Variants in UBN2 observed in about 807,000 individuals in gnomAD.
UBN2 encodes the protein ubinuclein 2, also known as ubinuclein-2.
A neutral mutation model predicts 120.2 loss-of-function variants in UBN2; 35 were observed. That is an observed-to-expected ratio of 0.29 (90% confidence interval 0.22 to 0.39). UBN2 has a LOEUF of 0.39. Among genes scored for constraint, UBN2 ranks in the 10% least tolerant of loss-of-function variants. The pLI, the probability that UBN2 is intolerant of heterozygous loss-of-function variation, is 1.00. For synonymous variants in UBN2, 661 were observed against 648.7 expected, an observed-to-expected ratio of 1.02 and a Z score of -0.29; for missense variants, 1,693 against 1,663.2, an observed-to-expected ratio of 1.02 and a Z score of -0.31.
intron 2 of UBN2, among the ~76,000 whole-genome samples, chr7:139,238,137 T>A (rs965863446): frequency 2.0e-5 from 3 of 152,172 alleles, no homozygotes; most frequent in Non-Finnish European, 4.4e-5. Context: ...ATAACCCAGT[T>A]GAGAAGCAAC....
In UBN2 at chr7:139,283,677, A is replaced by T. The variant is rs772872373; in HGVS notation, c.2772A>T (p.Thr924=). The change falls in exon 15 of 18, where the codon ACA becomes ACT. Residue 924 remains threonine (T), a synonymous_variant. Transcript: ENST00000473989. ...AGGCCCAAGATGCTTCTTCGTTAACACAAGTAACAAAGGTGCACCAGCATT... is the reference window on the plus strand; with the variant it reads ...AGGCCCAAGATGCTTCTTCGTTAACTCAAGTAACAAAGGTGCACCAGCATT... ...TSEAQDASSL[T]QVTKVHQHSA... 1 of 1,614,108 alleles carries T rather than the reference A, an allele frequency of 6.2e-7. No homozygotes were observed. The highest frequency in any genetic ancestry group is 8.5e-7 in the Non-Finnish European group (1 of 1,180,014).
chr7:139,252,932 T>C (rs1419074656), intron 3 of UBN2, among the ~76,000 whole-genome samples: 1 of 152,174 alleles, frequency 6.6e-6, no homozygotes, highest in Non-Finnish European at 1.5e-5. Context: ...ACAGAGATTT[T>C]AGTGTTCTTT....
At position 139,273,962 on chromosome 7, in the gene UBN2, T is replaced by C. The variant is rs561136606; in HGVS notation, c.1861T>C (p.Leu621=). 8.4e-5 allele frequency: 135 copies of C among 1,612,366 alleles called. No individual in the cohort carries two copies. Among genetic ancestry groups the C allele is most frequent in the Non-Finnish European group, 1.1e-4 (126 of 1,179,530 alleles). ...GTTATGTAACCTTGTTGAGATCAAA[T>C]TGGGATGCTATGAGTTAGAACCAAA... ...TLLCNLVEIK[L]GCYELEPNKS... The change falls in exon 11 of 18, where the codon TTG becomes CTG. Residue 621 remains leucine, a synonymous_variant. Transcript: ENST00000473989.
downstream of UBN2, among the ~76,000 whole-genome samples, chr7:139,310,493 T>C (rs552938338): frequency 6.6e-6 from 1 of 152,278 alleles, no homozygotes; most frequent in African/African-American, 2.4e-5. Flanking sequence ...CATACCTGGC[T>C]AGGCACAGTG....
rs1332559027 is a variant in UBN2 at position 139,298,633 on chromosome 7, A to G, written c.*797A>G. On this transcript the variant is annotated 3_prime_UTR_variant, in exon 18 of 18. Coordinates refer to ENST00000473989, the MANE Select transcript of UBN2 (RefSeq NM_173569.4). ...TTTTCTTCAGGTGATTTGTGCATCT[A>G]GTATTGACTGGTTAATTCTTATTTC... is the stretch of plus-strand genomic sequence containing the variant. The G allele has an allele frequency of 1.3e-5, 2 of 151,914 alleles. No individual in the cohort carries two copies. Among genetic ancestry groups the G allele is most frequent in the African/African-American group, 4.8e-5 (2 of 41,338 alleles). The allele number at this position is 151,914 out of a possible 1,614,324, so 9.4% of individuals were successfully genotyped here.
chr7:139,316,114 C>T, the UBN2 span, among the ~76,000 whole-genome samples: 4 of 123,036 alleles, frequency 3.3e-5, no homozygotes, highest in Admixed American at 3.3e-4. Context: ...AAAAGGGGTT[C>T]CAGTTCTTCT....
downstream of UBN2, among the ~76,000 whole-genome samples, chr7:139,312,865 T>C (rs1003046198): frequency 2.0e-5 from 3 of 152,220 alleles, no homozygotes; most frequent in African/African-American, 7.2e-5. Context: ...TTTCTGTATT[T>C]AGTGAAGCAG....
rs778802574 is a variant in UBN2 at position 139,283,633 on chromosome 7, C to T, written c.2728C>T (p.His910Tyr). The T allele has an allele frequency of 1.2e-6, 2 of 1,614,234 alleles. No individual in the cohort carries two copies. Reference sequence around the variant, plus strand: ...CCAAGCCCAAATTGCTGCCTCTTCTCATGCTCTGGGAACATCCGAGGCCCA... The same window carrying T: ...CCAAGCCCAAATTGCTGCCTCTTCTTATGCTCTGGGAACATCCGAGGCCCA... ...SSQAQIAASS[H>Y]ALGTSEAQDA... Residue 910 changes from histidine to tyrosine, a missense_variant, in exon 15 of 18, where the codon CAT becomes TAT. Around this residue, in one of 5 missense-constraint regions of UBN2, gnomAD observed 837 missense variants for 817.6 expected, o/e 1.02. Transcript: ENST00000473989.
the UBN2 span, among the ~76,000 whole-genome samples, chr7:139,321,005 A>AGT: frequency 2.6e-5 from 4 of 152,362 alleles, no homozygotes; most frequent in Admixed American, 2.0e-4. Flanking sequence ...AGACACCTGC[A>AGT]GTGCATCAGG....
the UBN2 span, among the ~76,000 whole-genome samples, chr7:139,329,439 G>C: frequency 1.3e-5 from 2 of 152,052 alleles, no homozygotes; most frequent in African/African-American, 4.8e-5. Context: ...TTGTGAATCA[G>C]AATTTCTGGG....
chr7:139,310,372 G>A (rs548754239), downstream of UBN2, among the ~76,000 whole-genome samples: 3 of 152,088 alleles, frequency 2.0e-5, no homozygotes, highest in South Asian at 4.2e-4. Flanking sequence ...GATCTAATGC[G>A]TGCAAAGCAA....
At chr7:139,279,272 A>G (rs1270876540) in intron 12 of UBN2, 46 bp from the exon 13 acceptor site, 1 of 1,422,096 alleles carries the variant, frequency 7.0e-7, no homozygotes, top group African/African-American at 1.4e-5. Flanking sequence ...TCTAATGAGC[A>G]ATATAACTGC....
At chr7:139,245,774 G>A (rs931476537) in intron 2 of UBN2, among the ~76,000 whole-genome samples, 1 of 152,200 alleles carries the variant, frequency 6.6e-6, no homozygotes, top group Non-Finnish European at 1.5e-5. Flanking sequence ...GAGAAAGCTG[G>A]GAGGATTAAG....
chr7:139,291,378 A>AG (rs1198032050), intron 15 of UBN2, among the ~76,000 whole-genome samples: 2 of 151,298 alleles, frequency 1.3e-5, no homozygotes, highest in Non-Finnish European at 2.9e-5. Context: ...AAAAAAAAAA[A>AG]AAAACATGGA....
At chr7:139,318,013 T>C in the UBN2 span, among the ~76,000 whole-genome samples, 2 of 152,200 alleles carry the variant, frequency 1.3e-5, no homozygotes, top group East Asian at 1.9e-4. Context: ...CAACTTCATA[T>C]CAGTGTTTCC....
Position 139,283,480 on chromosome 7 carries a change from G to T in UBN2, c.2575G>T (p.Gly859Cys). 6.2e-7 allele frequency: 1 copy of T among 1,614,110 alleles called. No individual in the cohort carries two copies. Among genetic ancestry groups the T allele is most frequent in the Non-Finnish European group, 8.5e-7 (1 of 1,180,026 alleles). Reference protein sequence around the residue: ...HTGISSGLIAGSSIQNPKVSL... With the variant: ...HTGISSGLIACSSIQNPKVSL... Reference sequence around the variant, plus strand: ...TGGCATCTCTTCAGGCCTTATTGCTGGTTCTTCCATTCAGAACCCTAAAGT... The same window carrying T: ...TGGCATCTCTTCAGGCCTTATTGCTTGTTCTTCCATTCAGAACCCTAAAGT... Residue 859 changes from glycine (G) to cysteine (C), a missense_variant, in exon 15 of 18, where the codon GGT becomes TGT. By Grantham distance (159) the Gly-to-Cys change is radical. Transcript: ENST00000473989.
At chr7:139,239,233 C>T (rs530952329) in intron 2 of UBN2, among the ~76,000 whole-genome samples, 5 of 152,088 alleles carry the variant, frequency 3.3e-5, no homozygotes, top group East Asian at 3.9e-4. Flanking sequence ...TTTACTGTAT[C>T]TTAGTATATT....
chr7:139,232,559 GGTTA>G (rs1444125805), intron 1 of UBN2, among the ~76,000 whole-genome samples: 8 of 152,266 alleles, frequency 5.3e-5, no homozygotes, highest in Admixed American at 3.3e-4. Context: ...TGGAGAAGTG[GGTTA>G]GTTAATCTGG....
At chr7:139,232,744 G>A (rs894111588) in intron 1 of UBN2, among the ~76,000 whole-genome samples, 2 of 152,082 alleles carry the variant, frequency 1.3e-5, no homozygotes, top group African/African-American at 4.8e-5. Flanking sequence ...ATTGTATTCA[G>A]CCTTTGTAAT....
Sources: allele counts gnomAD v4.1 joint callset (sites outside exome capture counted in the v4.1 genomes callset), GRCh38; gene constraint gnomAD v4.1.1; regional missense constraint gnomAD v4.1.1; transcripts MANE v1.5; gene names NCBI Gene and HGNC (gene_info 2026-07-23, HGNC 2026-07-21).